The following COP1 variants were observed in gnomAD, a reference collection of about 807,000 sequenced individuals.
COP1 encodes COP1 E3 ubiquitin ligase, also known as E3 ubiquitin-protein ligase COP1.
Under a neutral mutation model 101.3 loss-of-function variants are expected in COP1, and 24 were observed. That is an observed-to-expected ratio of 0.24 (90% confidence interval 0.17 to 0.33). The LOEUF (loss-of-function observed/expected upper bound fraction) is 0.33, where lower values mean the gene tolerates loss of function less well. COP1 is among the 10% of genes least tolerant of loss of function. The pLI is 1.00. For missense variants in COP1, 663 were observed against 906.2 expected, an observed-to-expected ratio of 0.73 and a Z score of 3.45; for synonymous variants, 347 against 341.9, an observed-to-expected ratio of 1.01 and a Z score of -0.17.
chr1:176,028,711 A>ATATATATATATATATAT (rs1269576183), intron 14 of COP1, among the ~76,000 whole-genome samples: 1 of 131,956 alleles, frequency 7.6e-6, no homozygotes, highest in Non-Finnish European at 1.6e-5. Context: ...ATATATATAT[A>ATATATATATATATATAT]TATATATATA....
chr1:175,965,961 A>T (rs1220825055), intron 18 of COP1, among the ~76,000 whole-genome samples: 1 of 152,162 alleles, frequency 6.6e-6, no homozygotes, highest in African/African-American at 2.4e-5. Flanking sequence ...ACATAAATCT[A>T]CGCTGCATTT....
At chr1:176,131,997 A>T (rs568997168) in intron 8 of COP1, among the ~76,000 whole-genome samples, 31 of 151,856 alleles carry the variant, frequency 2.0e-4, no homozygotes, top group Middle Eastern at 3.4e-3. Flanking sequence ...ATATTTTCAT[A>T]AACTTCATGA....
intron 2 of COP1, among the ~76,000 whole-genome samples, chr1:176,178,948 G>A (rs1697353384): frequency 6.6e-6 from 1 of 151,986 alleles, no homozygotes; most frequent in Non-Finnish European, 1.5e-5. Context: ...GCCAAGGTGG[G>A]CAGATCACTT....
In COP1 at chr1:176,206,793, C is replaced by A; in HGVS notation, c.186G>T (p.Gly62=). 1 of 1,385,634 alleles carries A rather than the reference C, an allele frequency of 7.2e-7. No individual in the cohort carries two copies. Among genetic ancestry groups the A allele is most frequent in the Non-Finnish European group, 9.3e-7 (1 of 1,080,836 alleles). The allele number at this position is 1,385,634 out of a possible 1,614,324, so 85.8% of individuals were successfully genotyped here. ...VAQAAGSGGL[G]GPVRPVLVAP... is the part of the protein sequence containing the mutation. ...CCACCAACACAGGCCGCACCGGGCCCCCGAGGCCGCCCGAGCCGGCGGCCT... is the reference window on the plus strand; with the variant it reads ...CCACCAACACAGGCCGCACCGGGCCACCGAGGCCGCCCGAGCCGGCGGCCT... Residue 62 remains glycine, a synonymous_variant, in exon 1 of 20, where the codon GGG becomes GGT. Transcript: ENST00000367669.
intron 15 of COP1, among the ~76,000 whole-genome samples, chr1:176,013,710 T>C (rs1455226043): frequency 1.3e-5 from 2 of 152,226 alleles, no homozygotes; most frequent in African/African-American, 2.4e-5. Flanking sequence ...ATATTATTTA[T>C]ACAAAAGGAC....
At chr1:176,085,003 T>C (rs775961519) in intron 10 of COP1, among the ~76,000 whole-genome samples, 6 of 152,140 alleles carry the variant, frequency 3.9e-5, no homozygotes, top group African/African-American at 1.2e-4. Flanking sequence ...CTCTACTTCA[T>C]AGATGAGCAA....
chr1:176,116,481 A>G, intron 9 of COP1, 143 bp downstream of exon 9: 1 of 589,706 alleles, frequency 1.7e-6, no homozygotes, highest in Middle Eastern at 4.3e-4. Context: ...ATTATGCATA[A>G]GAGCTATTCA....
intron 11 of COP1, among the ~76,000 whole-genome samples, chr1:176,059,112 TTTAA>T (rs1190744517): frequency 6.6e-6 from 1 of 152,222 alleles, no homozygotes; most frequent in Non-Finnish European, 1.5e-5. Flanking sequence ...CACTTTAATG[TTTAA>T]TTAAACTTTA....
intron 15 of COP1, among the ~76,000 whole-genome samples, chr1:175,994,660 A>G (rs1269318034): frequency 6.6e-6 from 1 of 152,242 alleles, no homozygotes; most frequent in African/African-American, 2.4e-5. Context: ...GCCATTACAT[A>G]ATGGTAAAGA....
At chr1:175,989,326 G>T in intron 16 of COP1, 36 bp downstream of exon 16, 1 of 1,057,968 alleles carries the variant, frequency 9.5e-7, no homozygotes, top group Non-Finnish European at 1.5e-6. Flanking sequence ...ACAGAGCTCT[G>T]TATTAAGCTC....
chr1:175,970,293 T>C (rs537180393), intron 18 of COP1, among the ~76,000 whole-genome samples: 37 of 152,140 alleles, frequency 2.4e-4, no homozygotes, highest in African/African-American at 8.4e-4. Flanking sequence ...TAAAAAATGA[T>C]GAGAACTTAG....
At chr1:175,972,387 G>T (rs1336299648) in intron 18 of COP1, among the ~76,000 whole-genome samples, 2 of 151,880 alleles carry the variant, frequency 1.3e-5, no homozygotes, top group African/African-American at 2.4e-5. Flanking sequence ...AAGTGAGGAG[G>T]AAAGAATTTA....
intron 1 of COP1, among the ~76,000 whole-genome samples, chr1:176,194,845 G>A (rs1699486291): frequency 6.6e-6 from 1 of 151,944 alleles, no homozygotes; most frequent in African/African-American, 2.4e-5. Context: ...GGAGCCCAAG[G>A]CAGGAGAATC....
intron 1 of COP1, among the ~76,000 whole-genome samples, chr1:176,186,530 A>G (rs1287611368): frequency 6.6e-6 from 1 of 152,012 alleles, no homozygotes; most frequent in Admixed American, 6.6e-5. Flanking sequence ...ACAGAGCAAG[A>G]CCCTATCTCA....
At chr1:176,094,386 T>A (rs1184553933) in intron 9 of COP1, among the ~76,000 whole-genome samples, 1 of 151,360 alleles carries the variant, frequency 6.6e-6, no homozygotes, top group Non-Finnish European at 1.5e-5. Context: ...AATATTAATA[T>A]AAAAAATAGA....
At chr1:176,005,003 G>C (rs986878200) in intron 15 of COP1, among the ~76,000 whole-genome samples, 1 of 151,918 alleles carries the variant, frequency 6.6e-6, no homozygotes, top group Non-Finnish European at 1.5e-5. Context: ...TGGTTGGTAA[G>C]CTATTGATTC....
Position 176,009,893 on chromosome 1 carries a change from G to A in COP1, c.1729+17679C>T, listed in dbSNP as rs986289145. On this transcript the variant is annotated intron_variant, in intron 15 of 19. Coordinates refer to ENST00000367669, the MANE Select transcript of COP1 (RefSeq NM_022457.7). ...TAGGTTACTTGGGGGGGGGGGGTCC[G>A]CAATAATTTTCTTTCCTTTATAAAG... Among the ~76,000 whole-genome samples, 206 of 135,216 alleles carry A rather than the reference G, an allele frequency of 1.5e-3. 1 individual carries two copies. Among genetic ancestry groups the A allele is most frequent in the Admixed American group, 4.1e-3 (53 of 13,036 alleles). The allele number at this position is 135,216 out of a possible 152,430, so 88.7% of individuals were successfully genotyped here. A position where few individuals can be genotyped will look rare whatever the true frequency, so the allele number is the denominator to read the frequency against.
chr1:176,111,874 C>T (rs1229380418), intron 9 of COP1, among the ~76,000 whole-genome samples: 1 of 152,104 alleles, frequency 6.6e-6, no homozygotes, highest in Non-Finnish European at 1.5e-5. Context: ...GCCTTCAGTG[C>T]AATGTATCAT....
chr1:176,135,712 T>G (rs1689687558), intron 7 of COP1, among the ~76,000 whole-genome samples: 2 of 151,982 alleles, frequency 1.3e-5, no homozygotes, highest in Admixed American at 1.3e-4. Flanking sequence ...TCCTTTTTTA[T>G]GTACTAACTT....
Sources: allele counts gnomAD v4.1 joint callset (sites outside exome capture counted in the v4.1 genomes callset), GRCh38; gene constraint gnomAD v4.1.1; transcripts MANE v1.5; gene names NCBI Gene and HGNC (gene_info 2026-07-23, HGNC 2026-07-21).